PCSK5: variants seen among roughly 807,000 people sequenced by gnomAD.
PCSK5 encodes proprotein convertase subtilisin/kexin type 5, also known as prohormone convertase 5.
In PCSK5, 129 loss-of-function variants were observed where a neutral mutation model predicts 233.2. That is an observed-to-expected ratio of 0.55 (90% CI 0.48 to 0.64). The LOEUF is 0.64. Ranked by LOEUF, PCSK5 falls within the 30% of genes least tolerant of loss-of-function variation. The pLI, the probability that PCSK5 is intolerant of heterozygous loss-of-function variation, is 0.00. For synonymous variants in PCSK5, 825 were observed against 879.2 expected, an observed-to-expected ratio of 0.94 and a Z score of 1.09; for missense variants, 2,076 against 2,430.1, an observed-to-expected ratio of 0.85 and a Z score of 3.06.
At position 76,095,905 on chromosome 9, in the gene PCSK5, G is replaced by A. The variant is rs1239815202; in HGVS notation, c.910G>A (p.Gly304Ser). The A allele has an allele frequency of 1.9e-6, 3 of 1,613,954 alleles. No individual in the cohort carries two copies. The highest frequency in any genetic ancestry group is 2.5e-6 in the Non-Finnish European group (3 of 1,179,986). The change falls in exon 8 of 38, where the codon GGC (glycine) becomes AGC (serine). Residue 304 changes from glycine to serine, a missense_variant. Gly to Ser is a moderately conservative substitution (Grantham distance 56, BLOSUM62 0). Transcript: ENST00000674117. Reference sequence around the variant, plus strand: ...TTGTGAACAGGGGCGGAGAGGCCTCGGCTCTGTGTTTGTTTGGGCATCTGG... The same window carrying A: ...TTGTGAACAGGGGCGGAGAGGCCTCAGCTCTGTGTTTGTTTGGGCATCTGG... ...NGVRMGRRGL[G>S]SVFVWASGNG...
At chr9:76,233,294 G>A (rs997717918) in intron 21 of PCSK5, among the ~76,000 whole-genome samples, 166 bp from the exon 22 acceptor site, 3 of 152,146 alleles carry the variant, frequency 2.0e-5, no homozygotes, top group Non-Finnish European at 4.4e-5. Context: ...ATGGGTACGT[G>A]ACTAATATTT....
rs200538925 is a variant in PCSK5, at chr9:76,188,417, G to GA, written c.2283-153dup. 1.6e-4 allele frequency among the ~76,000 whole-genome samples: 25 copies of GA among 151,538 alleles called. No individual in the cohort carries two copies. In the East Asian group the frequency reaches 1.7e-3, roughly 11 times the overall value. The stretch of plus-strand genomic sequence containing the variant: ...AGAAGCATTATAAGCATTGAGAGGA[G>GA]AAAAAAAAGGGTACACGGGCTATTT... On this transcript the variant is annotated intron_variant, in intron 17 of 37. Coordinates refer to ENST00000674117, the MANE Select transcript of PCSK5 (RefSeq NM_001372043.1).
chr9:76,245,811 G>T (rs536913415), intron 24 of PCSK5, among the ~76,000 whole-genome samples: 1 of 152,282 alleles, frequency 6.6e-6, no homozygotes, highest in South Asian at 2.1e-4. Context: ...AGTTAATTTG[G>T]TTATTGCGTT....
chr9:75,919,277 A>G (rs1236595431), intron 1 of PCSK5, among the ~76,000 whole-genome samples: 1 of 152,138 alleles, frequency 6.6e-6, no homozygotes, highest in Admixed American at 6.5e-5. Flanking sequence ...TTCATCCTTG[A>G]TTAATTAATC....
At chr9:76,235,482 T>C (rs1280890664) in intron 22 of PCSK5, among the ~76,000 whole-genome samples, 2 of 128,298 alleles carry the variant, frequency 1.6e-5, no homozygotes, top group Admixed American at 1.7e-4. Flanking sequence ...ATTTCTTCTA[T>C]TTTTTTTTCT....
chr9:75,924,958 G>C (rs1156441462), intron 1 of PCSK5, among the ~76,000 whole-genome samples: 1 of 152,190 alleles, frequency 6.6e-6, no homozygotes, highest in Non-Finnish European at 1.5e-5. Context: ...TAGGGATAAT[G>C]ATAACCTGCT....
intron 20 of PCSK5, 29 bp from the exon 21 acceptor site, chr9:76,227,474 G>T: frequency 6.6e-7 from 1 of 1,512,802 alleles, no homozygotes; most frequent in Non-Finnish European, 9.1e-7. Context: ...ATGTAGAAAT[G>T]AAATAAACAA....
chr9:76,141,009 T>G (rs1356255922), intron 10 of PCSK5, among the ~76,000 whole-genome samples: 4 of 152,182 alleles, frequency 2.6e-5, no homozygotes, highest in African/African-American at 9.6e-5. Flanking sequence ...TGTAAAACTC[T>G]TCTTTCAGCA....
chr9:76,093,925 T>C (rs1424391055), intron 7 of PCSK5, among the ~76,000 whole-genome samples: 1 of 152,228 alleles, frequency 6.6e-6, no homozygotes, highest in African/African-American at 2.4e-5. Flanking sequence ...GAGATTGTCA[T>C]AGCATTGAAC....
rs35359559 is a variant in PCSK5, at chr9:76,284,518, C to CTTT, written c.3143-7703_3143-7701dup. Among the ~76,000 whole-genome samples the CTTT allele has an allele frequency of 4.0e-3, 513 of 127,264 alleles. 3 individuals carry two copies. Among genetic ancestry groups the CTTT allele is most frequent in the African/African-American group, 0.013 (455 of 34,700 alleles). The allele number at this position is 127,264 out of a possible 152,430, so 83.5% of individuals were successfully genotyped here. ...CATGGAACTGTGAGTCCATTAAACC[C>CTTT]TTTTTTTTTTTTTTGTCTTTTTTTT... On this transcript the variant is annotated intron_variant, in intron 24 of 37. Transcript: ENST00000674117.
At position 75,951,007 on chromosome 9, in the gene PCSK5, G is replaced by A. The variant is rs538328066; in HGVS notation, c.297+18524G>A. ...AAGATTTGTAGATTTGGGAAATTTT[G>A]TAAGTAGTGTAGTTGTAGCACTGTT... On this transcript the variant is annotated intron_variant, in intron 2 of 37. Transcript: ENST00000674117. 3.9e-4 allele frequency among the ~76,000 whole-genome samples: 60 copies of A among 152,308 alleles called. 1 individual carries two copies. Among genetic ancestry groups the A allele is most frequent in the African/African-American group, 1.3e-3 (55 of 41,556 alleles).
chr9:76,029,276 G>A (rs903728965), intron 5 of PCSK5, among the ~76,000 whole-genome samples: 12 of 152,086 alleles, frequency 7.9e-5, no homozygotes, highest in Admixed American at 6.6e-4. Context: ...TTTAGGATAA[G>A]GAGTGCAATT....
chr9:76,267,621 C>T (rs1827374902), intron 24 of PCSK5, among the ~76,000 whole-genome samples: 2 of 152,224 alleles, frequency 1.3e-5, no homozygotes, highest in Admixed American at 1.3e-4. Context: ...GACACTAAAG[C>T]AGAGTATCTC....
At chr9:76,181,276 G>T in intron 15 of PCSK5, 122 bp from the exon 16 acceptor site, 1 of 733,376 alleles carries the variant, frequency 1.4e-6, no homozygotes, top group Non-Finnish European at 2.2e-6. Context: ...ATGTGGTGTT[G>T]GCATCCTGGT....
intron 7 of PCSK5, among the ~76,000 whole-genome samples, chr9:76,094,538 A>T (rs1239391565): frequency 6.6e-6 from 1 of 152,140 alleles, no homozygotes; most frequent in South Asian, 2.1e-4. Flanking sequence ...ATCATCTTAT[A>T]GTCACTTCAC....
chr9:75,944,904 G>A (rs2131309398), intron 2 of PCSK5, among the ~76,000 whole-genome samples: 1 of 152,250 alleles, frequency 6.6e-6, no homozygotes, highest in Non-Finnish European at 1.5e-5. Context: ...GAGGTCGGGA[G>A]TTCAAGACCA....
intron 5 of PCSK5, 40 bp from the exon 6 acceptor site, chr9:76,067,915 G>A (rs773007615): frequency 2.0e-6 from 3 of 1,506,176 alleles, no homozygotes; most frequent in Admixed American, 3.3e-5. Context: ...TGTGAGAATG[G>A]TGTGTCTTAC....
At chr9:76,096,368 T>G (rs1831513866) in intron 8 of PCSK5, among the ~76,000 whole-genome samples, 1 of 152,200 alleles carries the variant, frequency 6.6e-6, no homozygotes, top group South Asian at 2.1e-4. Flanking sequence ...GATAAATGAT[T>G]GGTTCACGTT....
At chr9:75,992,572 TAC>T (rs34250537) in intron 3 of PCSK5, among the ~76,000 whole-genome samples, 1,999 of 150,502 alleles carry the variant, frequency 0.013, 29 homozygotes, top group South Asian at 0.055. Context: ...TAACTTTAAA[TAC>T]ACACACACAC....
Sources: allele counts gnomAD v4.1 joint callset (sites outside exome capture counted in the v4.1 genomes callset), GRCh38; gene constraint gnomAD v4.1.1; transcripts MANE v1.5; gene names NCBI Gene and HGNC (gene_info 2026-07-23, HGNC 2026-07-21).